PRKN: variants seen among roughly 807,000 people sequenced by gnomAD.
PRKN encodes E3 ubiquitin-protein ligase parkin.
PRKN carries 56 observed loss-of-function variants against 59.5 expected under a neutral mutation model. The observed-to-expected ratio is 0.94, with a 90% CI of 0.76 to 1.18. The LOEUF is 1.18. Among genes scored for constraint, PRKN ranks in the 50% most tolerant of loss-of-function variants. PRKN has a pLI of 0.00. For synonymous variants in PRKN, 250 were observed against 222.1 expected, an observed-to-expected ratio of 1.13 and a Z score of -1.12; for missense variants, 657 against 596.4, an observed-to-expected ratio of 1.10 and a Z score of -1.06.
intron 1 of PRKN, among the ~76,000 whole-genome samples, chr6:162,481,342 A>G (rs1792302838): frequency 1.3e-5 from 2 of 152,154 alleles, no homozygotes; most frequent in Non-Finnish European, 2.9e-5. Flanking sequence ...TCTCTTCAAA[A>G]TCTGTAAATA....
At chr6:161,746,762 TATAG>T (rs974720831) in intron 7 of PRKN, among the ~76,000 whole-genome samples, 3 of 147,788 alleles carry the variant, frequency 2.0e-5, no homozygotes, top group East Asian at 3.9e-4. Flanking sequence ...TATATATCTA[TATAG>T]ATATATATGT....
chr6:161,687,302 T>A (rs1288874019), intron 7 of PRKN, among the ~76,000 whole-genome samples: 3 of 136,128 alleles, frequency 2.2e-5, no homozygotes, highest in Non-Finnish European at 4.6e-5. Flanking sequence ...GACAGGGGAA[T>A]TGCTTGAACC....
chr6:161,981,543 A>G (rs545111418), intron 5 of PRKN, among the ~76,000 whole-genome samples: 2 of 152,158 alleles, frequency 1.3e-5, no homozygotes, highest in South Asian at 2.1e-4. Flanking sequence ...CACAAAAACA[A>G]ACCAAAAAAT....
At chr6:162,621,187 A>G (rs1782649529) in intron 1 of PRKN, among the ~76,000 whole-genome samples, 1 of 152,136 alleles carries the variant, frequency 6.6e-6, no homozygotes, top group African/African-American at 2.4e-5. Context: ...AATGGCCCCA[A>G]TTTGTGCCTA....
intron 1 of PRKN, among the ~76,000 whole-genome samples, chr6:162,489,539 T>G (rs1390106837): frequency 6.6e-6 from 1 of 152,216 alleles, no homozygotes; most frequent in Non-Finnish European, 1.5e-5. Context: ...AATCAATCTT[T>G]GTTTTGAGTC....
chr6:162,253,541 A>T (rs985577280), intron 3 of PRKN, among the ~76,000 whole-genome samples: 1 of 152,234 alleles, frequency 6.6e-6, no homozygotes, highest in African/African-American at 2.4e-5. Flanking sequence ...TAATTAAAAT[A>T]TGCAAGGTAT....
chr6:162,228,410 C>T (rs1778280377), intron 3 of PRKN, among the ~76,000 whole-genome samples: 1 of 152,194 alleles, frequency 6.6e-6, no homozygotes, highest in South Asian at 2.1e-4. Flanking sequence ...AGAGACTCTT[C>T]TCTCCACCTT....
chr6:162,635,202 G>C (rs1777665227), intron 1 of PRKN, among the ~76,000 whole-genome samples: 1 of 152,124 alleles, frequency 6.6e-6, no homozygotes, highest in African/African-American at 2.4e-5. Flanking sequence ...TTCACATGTG[G>C]AAAATGAACA....
intron 1 of PRKN, among the ~76,000 whole-genome samples, chr6:162,489,270 T>C (rs1792698306): frequency 6.6e-6 from 1 of 152,230 alleles, no homozygotes; most frequent in African/African-American, 2.4e-5. Flanking sequence ...CATTATATTC[T>C]AGAATTCTTC....
intron 4 of PRKN, among the ~76,000 whole-genome samples, chr6:162,075,336 A>ACC (rs1473994519): frequency 6.6e-6 from 1 of 151,424 alleles, no homozygotes; most frequent in African/African-American, 2.5e-5. Context: ...GTGAATGCTC[A>ACC]GATACCATCA....
chr6:162,469,671 C>T (rs965018810), intron 1 of PRKN, among the ~76,000 whole-genome samples: 1 of 151,982 alleles, frequency 6.6e-6, no homozygotes, highest in Non-Finnish European at 1.5e-5. Flanking sequence ...TAAGTGGGAG[C>T]TAAGCCATGA....
intron 9 of PRKN, among the ~76,000 whole-genome samples, chr6:161,509,805 A>G (rs6942258): frequency 0.71 from 104,677 of 148,316 alleles, 36,969 homozygotes; most frequent in Middle Eastern, 0.8. Context: ...GCTTGAACCC[A>G]GGAGGCAGAG....
At chr6:162,347,592 A>G (rs956969389) in intron 2 of PRKN, among the ~76,000 whole-genome samples, 1 of 152,106 alleles carries the variant, frequency 6.6e-6, no homozygotes, top group Non-Finnish European at 1.5e-5. Flanking sequence ...TGTGATGAAT[A>G]TCACATTTAT....
intron 6 of PRKN, among the ~76,000 whole-genome samples, chr6:161,887,748 G>A (rs1048590336): frequency 1.3e-5 from 2 of 151,950 alleles, no homozygotes; most frequent in Admixed American, 1.3e-4. Flanking sequence ...GATATCAAAT[G>A]ACTGCCGGTA....
intron 2 of PRKN, among the ~76,000 whole-genome samples, chr6:162,407,184 T>C (rs1788113455): frequency 6.6e-6 from 1 of 152,140 alleles, no homozygotes; most frequent in Non-Finnish European, 1.5e-5. Context: ...TTTTATCTAA[T>C]ACAAAGGTGC....
At chr6:162,288,696 G>C (rs1373848363) in intron 2 of PRKN, among the ~76,000 whole-genome samples, 4 of 152,002 alleles carry the variant, frequency 2.6e-5, no homozygotes, top group Non-Finnish European at 5.9e-5. Flanking sequence ...CTAAGCAGAG[G>C]ACCCATTAAA....
chr6:161,892,999 C>T (rs1442932824), intron 6 of PRKN, among the ~76,000 whole-genome samples: 3 of 152,130 alleles, frequency 2.0e-5, no homozygotes, highest in South Asian at 2.1e-4. Context: ...CCTGCCACCA[C>T]GCCCGGCTAA....
At chr6:161,939,450 C>T (rs890174946) in intron 6 of PRKN, among the ~76,000 whole-genome samples, 8 of 138,736 alleles carry the variant, frequency 5.8e-5, no homozygotes, top group South Asian at 2.3e-4. Context: ...AAAATACCGT[C>T]GTCGGGCATG....
intron 1 of PRKN, among the ~76,000 whole-genome samples, chr6:162,445,314 C>A (rs897065565): frequency 1.3e-5 from 2 of 152,096 alleles, no homozygotes; most frequent in African/African-American, 2.4e-5. Flanking sequence ...TCTAATGGAA[C>A]TGGGTTTCAA....
Sources: allele counts gnomAD v4.1 joint callset (sites outside exome capture counted in the v4.1 genomes callset), GRCh38; gene constraint gnomAD v4.1.1; transcripts MANE v1.5; gene names NCBI Gene and HGNC (gene_info 2026-07-23, HGNC 2026-07-21).